The following MYO18A variants were observed in gnomAD, a reference collection of about 807,000 sequenced individuals.
MYO18A encodes the protein myosin XVIIIA.
A neutral mutation model predicts 235.8 loss-of-function variants in MYO18A; 78 were observed. The observed-to-expected ratio is 0.33, with a 90% CI of 0.28 to 0.40. The LOEUF is 0.40. Among genes scored for constraint, MYO18A ranks in the 10% least tolerant of loss-of-function variants. MYO18A has a pLI of 1.00. For synonymous variants in MYO18A, 977 were observed against 1,077.8 expected, an observed-to-expected ratio of 0.91 and a Z score of 1.83; for missense variants, 2,215 against 2,699.3, an observed-to-expected ratio of 0.82 and a Z score of 3.98.
At chr17:29,174,078 A>C (rs1248950992) in intron 1 of MYO18A, among the ~76,000 whole-genome samples, 1 of 152,218 alleles carries the variant, frequency 6.6e-6, no homozygotes, top group East Asian at 1.9e-4. Context: ...TGGCATATGA[A>C]AATATTTATG....
intron 15 of MYO18A, among the ~76,000 whole-genome samples, chr17:29,112,291 CAGTA>C (rs1458227883): frequency 4.6e-5 from 7 of 152,338 alleles, no homozygotes; most frequent in African/African-American, 1.7e-4. Flanking sequence ...AGGAAGCTGT[CAGTA>C]AGTGACAGCT....
chr17:29,124,286 G>T lies in MYO18A; in HGVS notation c.1000-2033C>A, dbSNP rs543957196. Among the ~76,000 whole-genome samples, 4 of 152,342 alleles carry T rather than the reference G, an allele frequency of 2.6e-5. No individual in the cohort carries two copies. The South Asian group carries it at 8.3e-4, about 32-fold the overall frequency. On this transcript the variant is annotated intron_variant, in intron 2 of 41. Coordinates refer to ENST00000527372, the MANE Select transcript of MYO18A (RefSeq NM_078471.4). ...CTCACGTTCAGGCATGGGCTGGGAA[G>T]AGGGCAGAGATTCTGCCTTTCCAGC...
chr17:29,114,837 C>T, intron 14 of MYO18A, 70 bp downstream of exon 14: 3 of 1,496,568 alleles, frequency 2.0e-6, no homozygotes, highest in Non-Finnish European at 2.7e-6. Context: ...CTTCTGCATC[C>T]ACAGATGCCC....
At chr17:29,129,192 G>T in intron 2 of MYO18A, 1 of 1,079,482 alleles carries the variant, frequency 9.3e-7, no homozygotes, top group Non-Finnish European at 1.3e-6. Context: ...AGCGTCCCTC[G>T]TCTGCGGCCA....
Position 29,107,077 on chromosome 17 carries a change from T to C in MYO18A, c.3441+3A>G, listed in dbSNP as rs1446324047. On this transcript the variant is annotated splice_donor_region_variant and intron_variant, in intron 20 of 41. Coordinates refer to ENST00000527372, the MANE Select transcript of MYO18A (RefSeq NM_078471.4). ...GGAGAGCGGTCTGGGGACCTGGACC[T>C]ACCCGCCTTTCATCCACCACGATGT... 3.1e-6 allele frequency: 5 copies of C among 1,613,738 alleles called. No individual in the cohort carries two copies. In the South Asian group the frequency reaches 3.3e-5, roughly 11 times the overall value.
In MYO18A at chr17:29,109,149, C is replaced by CA. The variant is rs1423937835; in HGVS notation, c.3331+708dup. On this transcript the variant is annotated intron_variant, in intron 19 of 41. Transcript: ENST00000527372. The surrounding 1 kb of genome is among the most constrained non-coding windows in gnomAD (Gnocchi z 4.1). ...ACCCAGCAACTCATAACTTCTCAGG[C>CA]AAAAAACAAAAAAAAAACAAAAAAA... 7.4e-6 allele frequency among the ~76,000 whole-genome samples: 1 copy of CA among 135,742 alleles called. No individual in the cohort carries two copies. Among genetic ancestry groups the CA allele is most frequent in the Admixed American group, 7.0e-5 (1 of 14,216 alleles). The allele number at this position is 135,742 out of a possible 152,430, so 89.1% of individuals were successfully genotyped here.
At chr17:29,082,669 G>C (rs904879601) in intron 40 of MYO18A, among the ~76,000 whole-genome samples, 1 of 152,032 alleles carries the variant, frequency 6.6e-6, no homozygotes, top group Non-Finnish European at 1.5e-5. Context: ...ACCCTCAGGA[G>C]CATGGAGGCA....
Position 29,126,023 on chromosome 17 carries a change from G to A in MYO18A, c.1000-3770C>T, listed in dbSNP as rs976494274. 9 of 949,816 alleles carry A rather than the reference G, an allele frequency of 9.5e-6. No individual in the cohort carries two copies. Among genetic ancestry groups the A allele is most frequent in the Non-Finnish European group, 1.0e-5 (8 of 797,082 alleles). The allele number at this position is 949,816 out of a possible 1,614,324, so 58.8% of individuals were successfully genotyped here. A position where few individuals can be genotyped will look rare whatever the true frequency, so the allele number is the denominator to read the frequency against. ...CAGAAATGGAGAGGCCACAGCATGCGGAGCTCCCAGCCCAGGAAGCCACTG... is the reference window on the plus strand; with the variant it reads ...CAGAAATGGAGAGGCCACAGCATGCAGAGCTCCCAGCCCAGGAAGCCACTG... On this transcript the variant is annotated intron_variant, in intron 2 of 41. Coordinates refer to ENST00000527372, the MANE Select transcript of MYO18A (RefSeq NM_078471.4). The surrounding 1 kb of genome is among the most constrained non-coding windows in gnomAD (Gnocchi z 4.1).
At chr17:29,146,382 G>A (rs961200054) in intron 2 of MYO18A, among the ~76,000 whole-genome samples, 4 of 152,186 alleles carry the variant, frequency 2.6e-5, no homozygotes, top group Admixed American at 2.6e-4. Flanking sequence ...GGATAAAGCT[G>A]GGAAGGAAGC....
At position 29,095,076 on chromosome 17, in the gene MYO18A, C is replaced by T. The variant is rs756991739; in HGVS notation, c.4386-17G>A. On this transcript the variant is annotated splice_polypyrimidine_tract_variant and intron_variant, in intron 28 of 41. Transcript: ENST00000527372. Reference sequence around the variant, plus strand: ...CTGTCAAACCTGCGAGGGAGTGTGGCGGCTCCATCAGATGGGGAAGAGCCA... The same window carrying T: ...CTGTCAAACCTGCGAGGGAGTGTGGTGGCTCCATCAGATGGGGAAGAGCCA... 2.0e-5 allele frequency: 30 copies of T among 1,509,688 alleles called. No homozygotes were observed. Among genetic ancestry groups the T allele is most frequent in the East Asian group, 4.9e-5 (2 of 40,640 alleles). 93.5% of individuals were successfully genotyped at this position (1,509,688 alleles called of 1,614,324 possible).
Position 29,142,353 on chromosome 17 carries a change from T to C in MYO18A, c.1000-20100A>G, listed in dbSNP as rs977627140. Among the ~76,000 whole-genome samples, 6 of 152,324 alleles carry C rather than the reference T, an allele frequency of 3.9e-5. No individual in the cohort carries two copies. In the South Asian group the frequency reaches 1.0e-3, roughly 26 times the overall value. ...AGCACAGAAATGTCCATTTGTTAAA[T>C]GAATGAGTGAATGAATGAATGATTT... On this transcript the variant is annotated intron_variant, in intron 2 of 41. Coordinates refer to ENST00000527372, the MANE Select transcript of MYO18A (RefSeq NM_078471.4).
At chr17:29,093,208 G>A in intron 32 of MYO18A, 115 bp downstream of exon 32, 1 of 1,106,550 alleles carries the variant, frequency 9.0e-7, no homozygotes, top group Middle Eastern at 2.8e-4. Flanking sequence ...TGGGCTCTTT[G>A]CAGCACCCCC....
At chr17:29,114,659 G>T (rs900151820) in intron 14 of MYO18A, among the ~76,000 whole-genome samples, 6 of 152,206 alleles carry the variant, frequency 3.9e-5, no homozygotes, top group African/African-American at 1.2e-4. Flanking sequence ...CTCAAAAGAG[G>T]CCAAGGGTAG....
rs771549723 is a variant in MYO18A, at chr17:29,110,522, G to A, written c.3001C>T (p.Arg1001Trp). The change falls in exon 18 of 42, where the codon CGG becomes TGG. Residue 1001 changes from arginine to tryptophan, a missense_variant. Coordinates refer to ENST00000527372, the MANE Select transcript of MYO18A (RefSeq NM_078471.4). ...LEGGSQLALR[R>W]ATSMRKTFTT... is the part of the protein sequence containing the mutation. ...AAGGTTTTCCGCATGCTGGTGGCCCGGCGCAGTGCCAGCTGCGAGCCGCCC... is the reference window on the plus strand; with the variant it reads ...AAGGTTTTCCGCATGCTGGTGGCCCAGCGCAGTGCCAGCTGCGAGCCGCCC... The A allele has an allele frequency of 2.5e-6, 4 of 1,607,510 alleles. No individual in the cohort carries two copies. The highest frequency in any genetic ancestry group is 3.4e-6 in the Non-Finnish European group (4 of 1,177,414).
intron 2 of MYO18A, among the ~76,000 whole-genome samples, chr17:29,148,339 AT>A (rs1001328661): frequency 1.3e-5 from 2 of 152,170 alleles, no homozygotes; most frequent in African/African-American, 4.8e-5. Context: ...ATAGAACTAT[AT>A]TTAGGGAGTT....
intron 20 of MYO18A, 21 bp from the exon 21 acceptor site, chr17:29,103,685 C>T (rs1487803173): frequency 1.2e-6 from 2 of 1,613,362 alleles, no homozygotes; most frequent in Non-Finnish European, 1.7e-6. Flanking sequence ...AGGCCTCTGT[C>T]AGGCAGCCCG....
At chr17:29,124,775 G>T in intron 2 of MYO18A, 1 of 1,116,664 alleles carries the variant, frequency 9.0e-7, no homozygotes, top group Non-Finnish European at 1.2e-6. Context: ...GTGCTCCTGA[G>T]TCAAGTGGGC....
chr17:29,148,280 A>C (rs1040645098), intron 2 of MYO18A, among the ~76,000 whole-genome samples: 2 of 152,248 alleles, frequency 1.3e-5, no homozygotes, highest in African/African-American at 4.8e-5. Context: ...AATGGGTACT[A>C]ATTATATGAT....
rs1386444337 is a variant in MYO18A at position 29,093,447 on chromosome 17, G to A, written c.4822-20C>T. The A allele has an allele frequency of 1.2e-5, 19 of 1,593,336 alleles. No homozygotes were observed. Among genetic ancestry groups the A allele is most frequent in the Non-Finnish European group, 1.6e-5 (19 of 1,167,954 alleles). Reference sequence around the variant, plus strand: ...TTTTAACTGGAGTACCATGGGGACAGAGACCCGTCCGTCCCTTTAGTGCCT... The same window carrying A: ...TTTTAACTGGAGTACCATGGGGACAAAGACCCGTCCGTCCCTTTAGTGCCT... On this transcript the variant is annotated intron_variant, in intron 31 of 41. Transcript: ENST00000527372.
Sources: allele counts gnomAD v4.1 joint callset (sites outside exome capture counted in the v4.1 genomes callset), GRCh38; gene constraint gnomAD v4.1.1; non-coding constraint Gnocchi (gnomAD v3.1); transcripts MANE v1.5; gene names NCBI Gene and HGNC (gene_info 2026-07-23, HGNC 2026-07-21).